The following RHOA variants were observed in gnomAD, a reference collection of about 807,000 sequenced individuals.
RHOA encodes the protein transforming protein RhoA.
Under a neutral mutation model 17.5 loss-of-function variants are expected in RHOA, and 3 were observed. The ratio of observed to expected loss-of-function variants is 0.17; its 90% CI spans 0.08 to 0.44. The LOEUF (loss-of-function observed/expected upper bound fraction) is 0.44, where lower values mean the gene tolerates loss of function less well. RHOA is among the 20% of genes least tolerant of loss of function. The probability of loss-of-function intolerance (pLI) is 0.99; values close to 1 mark genes in which losing one functional copy is unlikely to be tolerated. For missense variants in RHOA, 56 were observed against 242.3 expected, an observed-to-expected ratio of 0.23 and a Z score of 5.10; for synonymous variants, 98 against 88.4, an observed-to-expected ratio of 1.11 and a Z score of -0.61.
At chr3:49,393,502 G>A (rs983823408) in intron 1 of RHOA, among the ~76,000 whole-genome samples, 1 of 151,572 alleles carries the variant, frequency 6.6e-6, no homozygotes, top group African/African-American at 2.4e-5. Flanking sequence ...TCCATCATAT[G>A]GGCCAGACGG....
chr3:49,399,576 G>A (rs1278645862), intron 1 of RHOA, among the ~76,000 whole-genome samples: 3 of 140,556 alleles, frequency 2.1e-5, no homozygotes, highest in Non-Finnish European at 3.2e-5. Context: ...GTACACAGGA[G>A]CTTTTTTTTT....
At chr3:49,409,112 T>C (rs1325243052) in intron 1 of RHOA, among the ~76,000 whole-genome samples, 3 of 149,148 alleles carry the variant, frequency 2.0e-5, no homozygotes, top group South Asian at 2.3e-4. Flanking sequence ...ACTACAAATA[T>C]GGGTGGGCGT....
chr3:49,380,231 T>C (rs553281242), intron 1 of RHOA, among the ~76,000 whole-genome samples: 2 of 152,208 alleles, frequency 1.3e-5, no homozygotes, highest in East Asian at 3.9e-4. Flanking sequence ...TGCCATACCG[T>C]GGGGCTGGAA....
intron 2 of RHOA, 114 bp from the exon 3 acceptor site, chr3:49,368,662 G>A (rs11716445): frequency 0.073 from 78,365 of 1,080,842 alleles, 3,510 homozygotes; most frequent in Non-Finnish European, 0.086. Flanking sequence ...ATGGCAGACG[G>A]TCTAAAACAG....
intron 1 of RHOA, among the ~76,000 whole-genome samples, chr3:49,381,977 G>C (rs1473728309): frequency 6.6e-6 from 1 of 151,750 alleles, no homozygotes; most frequent in Non-Finnish European, 1.5e-5. Flanking sequence ...CTAGAGTCCA[G>C]AGTTTGAGAC....
intron 1 of RHOA, 36 bp from the exon 2 acceptor site, chr3:49,375,627 C>A (rs770185408): frequency 1.2e-6 from 2 of 1,602,872 alleles, no homozygotes; most frequent in South Asian, 1.1e-5. Context: ...CTGCAATGCA[C>A]AAGAAGTCAT....
Position 49,359,597 on chromosome 3 carries a change from AAAT to A in RHOA, c.*609_*611del, listed in dbSNP as rs1387973113. 4.8e-6 allele frequency: 1 copy of A among 207,120 alleles called. No homozygotes were observed. The highest frequency in any genetic ancestry group is 9.9e-6 in the Non-Finnish European group (1 of 101,308). 12.8% of individuals were successfully genotyped at this position (207,120 alleles called of 1,614,324 possible). ...GTATTAGGAAATCCAATTATACAAA[AAAT>A]ACTACATCTAGTCTGGGGTAGATAT... is the stretch of plus-strand genomic sequence containing the variant. On this transcript the variant is annotated 3_prime_UTR_variant, in exon 5 of 5. Coordinates refer to ENST00000418115, the MANE Select transcript of RHOA (RefSeq NM_001664.4).
In RHOA at chr3:49,387,219, C is replaced by T. The variant is rs187394470; in HGVS notation, c.-2-11628G>A. On this transcript the variant is annotated intron_variant, in intron 1 of 4. Coordinates refer to ENST00000418115, the MANE Select transcript of RHOA (RefSeq NM_001664.4). Reference sequence around the variant, plus strand: ...CAGCACTTTGGGAGGCCGAGGCGGGCGGATCATGAGGTCAGGAAATTGAGA... The same window carrying T: ...CAGCACTTTGGGAGGCCGAGGCGGGTGGATCATGAGGTCAGGAAATTGAGA... Among the ~76,000 whole-genome samples the T allele has an allele frequency of 5.0e-3, 655 of 131,172 alleles. 9 individuals carry two copies. Among genetic ancestry groups the T allele is most frequent in the African/African-American group, 0.017 (588 of 34,038 alleles). The allele number at this position is 131,172 out of a possible 152,430, so 86.1% of individuals were successfully genotyped here. A position where few individuals can be genotyped will look rare whatever the true frequency, so the allele number is the denominator to read the frequency against.
At chr3:49,376,989 G>T (rs988023444) in intron 1 of RHOA, among the ~76,000 whole-genome samples, 1 of 152,108 alleles carries the variant, frequency 6.6e-6, no homozygotes, top group Non-Finnish European at 1.5e-5. Flanking sequence ...TTAGCCAGGC[G>T]TGGTGGCACA....
chr3:49,369,591 C>T (rs1239673362), intron 2 of RHOA, among the ~76,000 whole-genome samples: 3 of 151,236 alleles, frequency 2.0e-5, no homozygotes, highest in Admixed American at 6.6e-5. Flanking sequence ...AGAAATTAGC[C>T]AGGCACGGCA....
At chr3:49,381,190 A>C (rs1159946322) in intron 1 of RHOA, among the ~76,000 whole-genome samples, 1 of 151,322 alleles carries the variant, frequency 6.6e-6, no homozygotes, top group Non-Finnish European at 1.5e-5. Flanking sequence ...GGATCACTTG[A>C]GGTCCAGAGT....
intron 1 of RHOA, among the ~76,000 whole-genome samples, chr3:49,383,826 T>C (rs570800553): frequency 6.6e-5 from 10 of 152,096 alleles, no homozygotes; most frequent in Non-Finnish European, 1.5e-4. Context: ...GGTCAGGAGT[T>C]CGAGACCAGC....
chr3:49,399,055 A>C (rs2048672138), intron 1 of RHOA, among the ~76,000 whole-genome samples: 1 of 26,336 alleles, frequency 3.8e-5, no homozygotes, highest in South Asian at 1.2e-3. Flanking sequence ...ACTCCGTCTC[A>C]AAAAAAAAAA....
At chr3:49,380,399 C>A (rs563392561) in intron 1 of RHOA, among the ~76,000 whole-genome samples, 8 of 152,180 alleles carry the variant, frequency 5.3e-5, no homozygotes, top group African/African-American at 1.9e-4. Context: ...TACCTATAGT[C>A]AAACTAATCC....
intron 1 of RHOA, among the ~76,000 whole-genome samples, chr3:49,392,288 G>A (rs775698103): frequency 6.6e-6 from 1 of 152,008 alleles, no homozygotes; most frequent in African/African-American, 2.4e-5. Flanking sequence ...AAATTAGCCA[G>A]GCGTGTTGGT....
At chr3:49,392,247 T>C (rs2048524312) in intron 1 of RHOA, among the ~76,000 whole-genome samples, 2 of 151,946 alleles carry the variant, frequency 1.3e-5, no homozygotes, top group Admixed American at 1.3e-4. Context: ...GCCTGGGCAA[T>C]ACAGTGAGAC....
chr3:49,368,853 G>A (rs1478429246), intron 2 of RHOA, among the ~76,000 whole-genome samples: 1 of 151,034 alleles, frequency 6.6e-6, no homozygotes, highest in Non-Finnish European at 1.5e-5. Context: ...GACTACAGGT[G>A]CCCGCCATCA....
At chr3:49,399,925 GA>G (rs1238573214) in intron 1 of RHOA, among the ~76,000 whole-genome samples, 1 of 151,996 alleles carries the variant, frequency 6.6e-6, no homozygotes, top group Admixed American at 6.6e-5. Flanking sequence ...CTGAACTCAA[GA>G]AACTACAGAA....
intron 1 of RHOA, among the ~76,000 whole-genome samples, chr3:49,400,793 T>A (rs1034097613): frequency 6.6e-6 from 1 of 151,460 alleles, no homozygotes; most frequent in African/African-American, 2.4e-5. Context: ...CGCCTGTAAT[T>A]CCAGCACTTT....
Sources: gnomAD v4.1 joint callset for allele counts (sites outside exome capture counted in the v4.1 genomes callset) on GRCh38, gnomAD v4.1.1 for gene constraint, MANE v1.5 for transcripts, NCBI Gene and HGNC (gene_info 2026-07-23, HGNC 2026-07-21) for gene names.